REDIC1: variants seen among roughly 807,000 people sequenced by gnomAD.
The protein encoded by REDIC1 is regulator of DNA class I crossover intermediates 1.
At chr12:39,658,339 C>G in the REDIC1 span, among the ~76,000 whole-genome samples, 1 of 152,154 alleles carries the variant, frequency 6.6e-6, no homozygotes, top group South Asian at 2.1e-4. Flanking sequence ...CCTGCCTCAG[C>G]CTCCCAAAGT....
chr12:39,903,450 C>T, the REDIC1 span, among the ~76,000 whole-genome samples: 2 of 152,062 alleles, frequency 1.3e-5, no homozygotes, highest in Non-Finnish European at 2.9e-5. Context: ...TTCTGGCCCC[C>T]CAGTATCTCT....
chr12:39,858,656 G>C, the REDIC1 span, among the ~76,000 whole-genome samples: 1 of 152,108 alleles, frequency 6.6e-6, no homozygotes. Context: ...GCCTGGGCTG[G>C]AGTGCAATGG....
chr12:39,846,460 A>G, the REDIC1 span, among the ~76,000 whole-genome samples: 3,123 of 152,156 alleles, frequency 0.021, 45 homozygotes, highest in Non-Finnish European at 0.031. Flanking sequence ...TAACTTCTTC[A>G]TTTTTATTTT....
the REDIC1 span, among the ~76,000 whole-genome samples, chr12:39,743,591 A>G: frequency 6.6e-6 from 1 of 152,196 alleles, no homozygotes; most frequent in African/African-American, 2.4e-5. Flanking sequence ...CTGTAATTGA[A>G]AAAGTAGACA....
the REDIC1 span, among the ~76,000 whole-genome samples, chr12:39,626,993 G>A: frequency 6.6e-6 from 1 of 152,194 alleles, no homozygotes; most frequent in Non-Finnish European, 1.5e-5. Flanking sequence ...TTAAAGTCCA[G>A]CTGGGTGGAA....
the REDIC1 span, among the ~76,000 whole-genome samples, chr12:39,773,112 A>G: frequency 6.6e-6 from 1 of 152,260 alleles, no homozygotes; most frequent in African/African-American, 2.4e-5. Flanking sequence ...GAAAAGGAAC[A>G]AAAATACTTT....
chr12:39,706,687 C>A, the REDIC1 span, among the ~76,000 whole-genome samples: 1 of 151,914 alleles, frequency 6.6e-6, no homozygotes, highest in East Asian at 1.9e-4. Flanking sequence ...GAATAGAGAA[C>A]CCAGAAACAA....
chr12:39,761,365 G>C, the REDIC1 span, among the ~76,000 whole-genome samples: 8 of 151,992 alleles, frequency 5.3e-5, no homozygotes, highest in African/African-American at 9.7e-5. Context: ...TTGAGAGAGA[G>C]ACTTGATCTG....
At chr12:39,685,864 G>C in the REDIC1 span, among the ~76,000 whole-genome samples, 2 of 152,174 alleles carry the variant, frequency 1.3e-5, no homozygotes, top group Admixed American at 6.5e-5. Flanking sequence ...ATTCCAAAAG[G>C]GAGAAATAGG....
the REDIC1 span, among the ~76,000 whole-genome samples, chr12:39,842,464 T>C: frequency 6.6e-6 from 1 of 152,044 alleles, no homozygotes; most frequent in African/African-American, 2.4e-5. Flanking sequence ...ATCAGCATAG[T>C]GACTAACATG....
At chr12:39,865,729 A>T in the REDIC1 span, among the ~76,000 whole-genome samples, 1,090 of 152,360 alleles carry the variant, frequency 7.2e-3, 6 homozygotes, top group Middle Eastern at 0.01. Flanking sequence ...CTTTGCAGCA[A>T]CATGGATGGA....
chr12:39,646,421 T>C, the REDIC1 span: 1 of 1,526,946 alleles, frequency 6.5e-7, no homozygotes, highest in South Asian at 1.2e-5. Flanking sequence ...GTCGCCTCAC[T>C]GTGTACCTTC....
chr12:39,712,871 A>T, the REDIC1 span, among the ~76,000 whole-genome samples: 2 of 146,148 alleles, frequency 1.4e-5, no homozygotes, highest in South Asian at 4.3e-4. Context: ...ATACACGTAT[A>T]TACACGTATA....
chr12:39,736,532 T>C, the REDIC1 span, among the ~76,000 whole-genome samples: 8 of 152,240 alleles, frequency 5.3e-5, no homozygotes, highest in Admixed American at 3.9e-4. Flanking sequence ...ATGTTTACAA[T>C]TTCTTTGGCA....
At chr12:39,691,319 A>C in the REDIC1 span, among the ~76,000 whole-genome samples, 2 of 152,312 alleles carry the variant, frequency 1.3e-5, no homozygotes, top group East Asian at 3.9e-4. Context: ...TTTATTTTAT[A>C]TATCTAAAAT....
At chr12:39,707,307 G>T in the REDIC1 span, among the ~76,000 whole-genome samples, 1 of 151,682 alleles carries the variant, frequency 6.6e-6, no homozygotes, top group East Asian at 1.9e-4. Context: ...AAGTACAATT[G>T]GATATGATAT....
chr12:39,766,615 G>T, the REDIC1 span, among the ~76,000 whole-genome samples: 5 of 151,990 alleles, frequency 3.3e-5, no homozygotes, highest in Non-Finnish European at 7.4e-5. Flanking sequence ...TCTGTAGCAT[G>T]CATTTTACCC....
chr12:39,632,578 A>G, the REDIC1 span, among the ~76,000 whole-genome samples: 28 of 152,280 alleles, frequency 1.8e-4, no homozygotes, highest in Middle Eastern at 3.4e-3. Context: ...GTACATACAT[A>G]TACAGTCACA....
the REDIC1 span, among the ~76,000 whole-genome samples, chr12:39,867,782 G>A: frequency 1.2e-3 from 178 of 152,138 alleles, no homozygotes; most frequent in Non-Finnish European, 2.3e-3. Flanking sequence ...CTTCCTGTTG[G>A]AAGCAAATGC....
Sources: gnomAD v4.1 joint callset for allele counts (sites outside exome capture counted in the v4.1 genomes callset) on GRCh38, gnomAD v4.1.1 for gene constraint, MANE v1.5 for transcripts, NCBI Gene and HGNC (gene_info 2026-07-23, HGNC 2026-07-21) for gene names.